ZNF107: variants seen among roughly 807,000 people sequenced by gnomAD.
ZNF107 encodes C2H2 type zinc-finger protein.
ZNF107 carries 19 observed loss-of-function variants against 12.3 expected under a neutral mutation model. The ratio of observed to expected loss-of-function variants is 1.55; its 90% CI spans 1.08 to 2.27. The LOEUF (loss-of-function observed/expected upper bound fraction) is 2.27, where lower values mean the gene tolerates loss of function less well. Among genes scored for constraint, ZNF107 ranks in the 30% most tolerant of loss-of-function variants. The pLI is 0.00. For missense variants in ZNF107, 958 were observed against 979.9 expected, an observed-to-expected ratio of 0.98 and a Z score of 0.30; for synonymous variants, 317 against 330.5, an observed-to-expected ratio of 0.96 and a Z score of 0.44.
chr7:64,703,427 A>G (rs1371764949), intron 3 of ZNF107, among the ~76,000 whole-genome samples: 2 of 152,138 alleles, frequency 1.3e-5, no homozygotes, highest in Non-Finnish European at 2.9e-5. Flanking sequence ...ATTTGAATCC[A>G]TATTTTTGTG....
intron 3 of ZNF107, among the ~76,000 whole-genome samples, chr7:64,693,841 T>G (rs1790198996): frequency 6.6e-6 from 1 of 152,008 alleles, no homozygotes; most frequent in African/African-American, 2.4e-5. Flanking sequence ...CAGGCTGGAG[T>G]GCAGTGGCGT....
At chr7:64,670,584 T>C (rs1316598616) in intron 1 of ZNF107, among the ~76,000 whole-genome samples, 2 of 152,214 alleles carry the variant, frequency 1.3e-5, no homozygotes, top group African/African-American at 4.8e-5. Flanking sequence ...GAGTGTTTGG[T>C]TATTAAACAG....
chr7:64,676,645 G>A (rs958692332), intron 1 of ZNF107, among the ~76,000 whole-genome samples: 6 of 152,048 alleles, frequency 3.9e-5, no homozygotes, highest in Admixed American at 2.6e-4. Context: ...TTTCCCTTTT[G>A]GTTCCTAAAT....
At position 64,706,997 on chromosome 7, in the gene ZNF107, T is replaced by A; in HGVS notation, c.900T>A (p.Leu300=). 1 of 1,613,470 alleles carries A rather than the reference T, an allele frequency of 6.2e-7. No homozygotes were observed. The highest frequency in any genetic ancestry group is 8.5e-7 in the Non-Finnish European group (1 of 1,179,756). The change falls in exon 4 of 4, where the codon CTT becomes CTA. Residue 300 remains leucine, a synonymous_variant. Coordinates refer to ENST00000620827, the MANE Select transcript of ZNF107 (RefSeq NM_001282359.2). ...AAGTCTTTAGCCAGTCCTCACACCTTACTACACAAAAGATACTTCACACTG... is the reference window on the plus strand; with the variant it reads ...AAGTCTTTAGCCAGTCCTCACACCTAACTACACAAAAGATACTTCACACTG... ...CGKVFSQSSH[L]TTQKILHTGE... is the part of the protein sequence containing the mutation.
At chr7:64,679,361 A>G (rs756511553) in intron 1 of ZNF107, 100 of 984,732 alleles carry the variant, frequency 1.0e-4, no homozygotes, top group Non-Finnish European at 1.1e-4. Context: ...TCCTTTCTCA[A>G]ACTTTCCTTT....
At chr7:64,670,293 G>A (rs1419346452) in intron 1 of ZNF107, among the ~76,000 whole-genome samples, 2 of 151,874 alleles carry the variant, frequency 1.3e-5, no homozygotes, top group African/African-American at 4.8e-5. Flanking sequence ...TTTTTTTAGG[G>A]AGGAGCAAAG....
At position 64,709,353 on chromosome 7, in the gene ZNF107, C is replaced by T. The variant is rs73698964; in HGVS notation, c.*697C>T. On this transcript the variant is annotated 3_prime_UTR_variant, in exon 4 of 4. Transcript: ENST00000620827. ...TCCTCACACCTTGCTACATATAAGA[C>T]AGTTTATACTTTGAGAGAAACCCTG... 0.02 allele frequency: 6,836 copies of T among 341,508 alleles called. 449 individuals carry two copies. Among genetic ancestry groups the T allele is most frequent in the African/African-American group, 0.13 (6,208 of 46,102 alleles). The allele number at this position is 341,508 out of a possible 1,614,324, so 21.2% of individuals were successfully genotyped here.
At chr7:64,699,809 C>G (rs896811053) in intron 3 of ZNF107, among the ~76,000 whole-genome samples, 1 of 152,102 alleles carries the variant, frequency 6.6e-6, no homozygotes, top group Non-Finnish European at 1.5e-5. Flanking sequence ...TGGCTCACGC[C>G]TGTAATCCCA....
In ZNF107 at chr7:64,704,014, T is replaced by TA. The variant is rs35471155; in HGVS notation, c.227-2300dup. On this transcript the variant is annotated intron_variant, in intron 3 of 3. Coordinates refer to ENST00000620827, the MANE Select transcript of ZNF107 (RefSeq NM_001282359.2). ...GATAAAACAGTATATTATAATCTAG[T>TA]AAAAAAAAAATCAACTTTATTTGCA... 7.1e-4 allele frequency among the ~76,000 whole-genome samples: 106 copies of TA among 150,010 alleles called. 2 individuals are homozygous for TA. In the East Asian group the frequency reaches 0.016, roughly 23 times the overall value.
chr7:64,699,843 C>T (rs932468372), intron 3 of ZNF107, among the ~76,000 whole-genome samples: 12 of 151,828 alleles, frequency 7.9e-5, no homozygotes, highest in Non-Finnish European at 1.3e-4. Context: ...CCGAGGCGGG[C>T]GGACCACTAG....
intron 1 of ZNF107, among the ~76,000 whole-genome samples, chr7:64,680,884 A>G (rs1346727455): frequency 6.6e-6 from 1 of 152,190 alleles, no homozygotes; most frequent in Non-Finnish European, 1.5e-5. Context: ...AACCCCAGCC[A>G]CACCAATGGC....
intron 3 of ZNF107, among the ~76,000 whole-genome samples, chr7:64,696,237 G>C (rs577865124): frequency 6.6e-6 from 1 of 152,226 alleles, no homozygotes; most frequent in African/African-American, 2.4e-5. Context: ...ATTTTTAGTA[G>C]AGACGGGGTT....
chr7:64,707,519 T>A lies in ZNF107; in HGVS notation c.1422T>A (p.Ile474=). 6.2e-7 allele frequency: 1 copy of A among 1,613,304 alleles called. No homozygotes were observed. Among genetic ancestry groups the A allele is most frequent in the Non-Finnish European group, 8.5e-7 (1 of 1,179,656 alleles). The change falls in exon 4 of 4, where the codon ATT becomes ATA. Residue 474 remains isoleucine, a synonymous_variant. Coordinates refer to ENST00000620827, the MANE Select transcript of ZNF107 (RefSeq NM_001282359.2). ...CAAACCTAATTAACCATAGGAAAATTTATTCTGGAGAGAAACCATACAAAT... is the reference window on the plus strand; with the variant it reads ...CAAACCTAATTAACCATAGGAAAATATATTCTGGAGAGAAACCATACAAAT... ...QHSNLINHRK[I]YSGEKPYKCE...
At position 64,710,845 on chromosome 7, in the gene ZNF107, A is replaced by C. The variant is rs1790864790; in HGVS notation, c.*2189A>C. On this transcript the variant is annotated 3_prime_UTR_variant, in exon 4 of 4. Coordinates refer to ENST00000620827, the MANE Select transcript of ZNF107 (RefSeq NM_001282359.2). The stretch of plus-strand genomic sequence containing the variant: ...AGATGCATGATGAAAACCTGAGTGA[A>C]GAGGCTGTTTGTGTTTAACTTATAA... 6.6e-6 allele frequency: 1 copy of C among 152,168 alleles called. No individual in the cohort carries two copies. Among genetic ancestry groups the C allele is most frequent in the Non-Finnish European group, 1.5e-5 (1 of 68,010 alleles). The allele number at this position is 152,168 out of a possible 1,614,324, so 9.4% of individuals were successfully genotyped here.
chr7:64,673,757 G>A (rs6969837), intron 1 of ZNF107, among the ~76,000 whole-genome samples: 52,920 of 151,976 alleles, frequency 0.35, 9,713 homozygotes, highest in Non-Finnish European at 0.4. Flanking sequence ...ATATGGTGTA[G>A]GAAAGGTATC....
rs753704605 is a variant in ZNF107, at chr7:64,708,635, A to G, written c.2538A>G (p.Lys846=). The change falls in exon 4 of 4, where the codon AAA becomes AAG. Residue 846 remains lysine (K), a synonymous_variant. Transcript: ENST00000620827. ...TTCATACTGGAGAGAAACCCTACAA[A>G]TGTGAGTATGGCAAAACTTAATTGA... is the stretch of plus-strand genomic sequence containing the variant. ...KKIHTGEKPY[K]CEYGKT The G allele has an allele frequency of 2.5e-6, 4 of 1,585,558 alleles. No individual in the cohort carries two copies. In the South Asian group the frequency reaches 3.4e-5, roughly 13 times the overall value.
chr7:64,689,113 T>A (rs1790028956), intron 1 of ZNF107, among the ~76,000 whole-genome samples: 2 of 152,294 alleles, frequency 1.3e-5, no homozygotes, highest in East Asian at 3.9e-4. Context: ...TTCAGCTTTT[T>A]CCTTTCAAGT....
intron 3 of ZNF107, among the ~76,000 whole-genome samples, chr7:64,704,564 T>A (rs1171399528): frequency 6.6e-6 from 1 of 152,192 alleles, no homozygotes; most frequent in East Asian, 1.9e-4. Context: ...TATTTTCATA[T>A]GATTATGTGC....
chr7:64,700,898 T>C (rs1182322065), intron 3 of ZNF107, among the ~76,000 whole-genome samples: 1 of 152,206 alleles, frequency 6.6e-6, no homozygotes, highest in African/African-American at 2.4e-5. Context: ...AAAAAATTAA[T>C]ACAGTCTATA....
Sources: gnomAD v4.1 joint callset for allele counts (sites outside exome capture counted in the v4.1 genomes callset) on GRCh38, gnomAD v4.1.1 for gene constraint, MANE v1.5 for transcripts, NCBI Gene and HGNC (gene_info 2026-07-23, HGNC 2026-07-21) for gene names.